The following LRFN5 variants were observed in gnomAD, a reference collection of about 807,000 sequenced individuals.
LRFN5 encodes the protein leucine rich repeat and fibronectin type III domain containing 5.
A neutral mutation model predicts 45.6 loss-of-function variants in LRFN5; 24 were observed. That is an observed-to-expected ratio of 0.53 (90% CI 0.38 to 0.74). LRFN5 has a LOEUF of 0.74. Ranked by LOEUF, LRFN5 falls within the 30% of genes least tolerant of loss-of-function variation. The pLI is 0.00. For synonymous variants in LRFN5, 340 were observed against 313.8 expected (o/e 1.08, Z -0.88); for missense variants, 776 against 861.5 (o/e 0.90, Z 1.24).
At chr14:41,789,768 A>G (rs944887994) in intron 2 of LRFN5, among the ~76,000 whole-genome samples, 2 of 151,954 alleles carry the variant, frequency 1.3e-5, no homozygotes, top group African/African-American at 2.4e-5. Flanking sequence ...ATCTGCTAAG[A>G]TAAACATAGT....
intron 1 of LRFN5, among the ~76,000 whole-genome samples, chr14:41,673,286 G>A (rs1019622488): frequency 1.3e-5 from 2 of 151,628 alleles, no homozygotes; most frequent in Non-Finnish European, 2.9e-5. Flanking sequence ...TTCCCAGTAG[G>A]GGCAGCCGGG....
At chr14:41,719,997 C>G (rs1482555081) in intron 1 of LRFN5, among the ~76,000 whole-genome samples, 1 of 151,896 alleles carries the variant, frequency 6.6e-6, no homozygotes, top group African/African-American at 2.4e-5. Context: ...ATTTTAGATT[C>G]AAGGGGTACA....
intron 1 of LRFN5, among the ~76,000 whole-genome samples, chr14:41,750,573 T>A (rs138145364): frequency 2.0e-4 from 31 of 152,240 alleles, no homozygotes; most frequent in African/African-American, 7.0e-4. Flanking sequence ...TTTGCTTTCA[T>A]TGTATTGTGA....
intron 2 of LRFN5, among the ~76,000 whole-genome samples, chr14:41,800,910 A>G (rs1458154407): frequency 1.3e-5 from 2 of 152,002 alleles, no homozygotes; most frequent in Non-Finnish European, 2.9e-5. Context: ...AAAAATATGT[A>G]ATGTTTAAGG....
At chr14:41,781,811 C>G (rs2138920587) in intron 2 of LRFN5, among the ~76,000 whole-genome samples, 1 of 152,082 alleles carries the variant, frequency 6.6e-6, no homozygotes, top group East Asian at 1.9e-4. Flanking sequence ...TTGCTAGATA[C>G]AGTATCACAG....
chr14:41,789,614 C>T (rs1886846678), intron 2 of LRFN5, among the ~76,000 whole-genome samples: 1 of 151,900 alleles, frequency 6.6e-6, no homozygotes, highest in Non-Finnish European at 1.5e-5. Flanking sequence ...ATTTACTGTT[C>T]TCCCAGACCC....
intron 1 of LRFN5, among the ~76,000 whole-genome samples, chr14:41,747,105 A>G (rs750040199): frequency 5.3e-5 from 8 of 152,034 alleles, no homozygotes; most frequent in Non-Finnish European, 1.0e-4. Flanking sequence ...AAGAGTTAAT[A>G]TTAAAACATC....
At chr14:41,720,967 G>A (rs1883689843) in intron 1 of LRFN5, among the ~76,000 whole-genome samples, 1 of 152,030 alleles carries the variant, frequency 6.6e-6, no homozygotes, top group African/African-American at 2.4e-5. Context: ...TCTATCTAAT[G>A]TTGTCAGTAG....
chr14:41,844,847 G>A (rs1237466285), intron 2 of LRFN5, among the ~76,000 whole-genome samples: 1 of 152,072 alleles, frequency 6.6e-6, no homozygotes, highest in African/African-American at 2.4e-5. Flanking sequence ...TCATATAGCT[G>A]TGAATTGTTA....
At chr14:41,776,992 C>T (rs1886316184) in intron 2 of LRFN5, among the ~76,000 whole-genome samples, 2 of 151,782 alleles carry the variant, frequency 1.3e-5, no homozygotes, top group Non-Finnish European at 2.9e-5. Flanking sequence ...TCTAGCACTG[C>T]CATATACAGT....
intron 1 of LRFN5, among the ~76,000 whole-genome samples, chr14:41,764,762 T>G (rs1885807511): frequency 6.7e-6 from 1 of 148,384 alleles, no homozygotes; most frequent in South Asian, 2.1e-4. Context: ...TAGGAATATA[T>G]TGTGCCTGTA....
chr14:41,879,953 C>G (rs1427296764), intron 2 of LRFN5, among the ~76,000 whole-genome samples: 1 of 115,720 alleles, frequency 8.6e-6, no homozygotes, highest in Non-Finnish European at 1.7e-5. Flanking sequence ...AACAGAGTCT[C>G]ACTCTGTTGC....
chr14:41,649,651 A>G (rs1879997199), intron 1 of LRFN5, among the ~76,000 whole-genome samples: 1 of 152,156 alleles, frequency 6.6e-6, no homozygotes, highest in Non-Finnish European at 1.5e-5. Context: ...ATATTTTATC[A>G]GGTTCCTCAT....
chr14:41,742,835 G>A (rs1351320007), intron 1 of LRFN5: 10 of 159,804 alleles, frequency 6.3e-5, no homozygotes, highest in East Asian at 1.8e-4. Context: ...AGTACATAGC[G>A]CAGATGAGCT....
intron 2 of LRFN5, among the ~76,000 whole-genome samples, chr14:41,879,295 T>C (rs1307791513): frequency 2.0e-5 from 3 of 152,098 alleles, no homozygotes; most frequent in Non-Finnish European, 4.4e-5. Context: ...TGCCCTTTTA[T>C]ATATTATTCT....
At chr14:41,717,800 T>C (rs546371647) in intron 1 of LRFN5, among the ~76,000 whole-genome samples, 1 of 152,184 alleles carries the variant, frequency 6.6e-6, no homozygotes, top group South Asian at 2.1e-4. Context: ...CCTACAAATT[T>C]CCCCAAAAAG....
chr14:41,756,207 T>C (rs188845225), intron 1 of LRFN5, among the ~76,000 whole-genome samples: 1 of 152,348 alleles, frequency 6.6e-6, no homozygotes, highest in Admixed American at 6.5e-5. Flanking sequence ...CATTTTTTCC[T>C]TCATTTCAAC....
At chr14:41,799,151 C>A (rs1484436164) in intron 2 of LRFN5, among the ~76,000 whole-genome samples, 1 of 151,944 alleles carries the variant, frequency 6.6e-6, no homozygotes, top group Non-Finnish European at 1.5e-5. Context: ...GTGAACTTAG[C>A]TCACGGGTAA....
rs141598594 is a variant in LRFN5 at position 41,887,312 on chromosome 14, C to T, written c.687C>T (p.Ser229=). Reference sequence around the variant, plus strand: ...TACTAGCAACCTCAGGAATCATAAGCCCATCTACTTTTGCATTAAGTTTTG... The same window carrying T: ...TACTAGCAACCTCAGGAATCATAAGTCCATCTACTTTTGCATTAAGTTTTG... The part of the protein sequence containing the change: ...AQVLATSGII[S]PSTFALSFGG... Residue 229 remains serine (S), a synonymous_variant, in exon 3 of 6, where the codon AGC becomes AGT. Transcript: ENST00000298119. This position sits in a 1 kb window ranked among gnomAD's most constrained non-coding sequence, Gnocchi z 4.8. 147 of 1,614,188 alleles carry T rather than the reference C, an allele frequency of 9.1e-5. No homozygotes were observed. Among genetic ancestry groups the T allele is most frequent in the Non-Finnish European group, 1.1e-4 (131 of 1,180,044 alleles).
Sources: gnomAD v4.1 joint callset for allele counts (sites outside exome capture counted in the v4.1 genomes callset) on GRCh38, gnomAD v4.1.1 for gene constraint, Gnocchi (gnomAD v3.1) non-coding constraint, MANE v1.5 for transcripts, NCBI Gene and HGNC (gene_info 2026-07-23, HGNC 2026-07-21) for gene names.